Variants in ARID3B observed in about 807,000 individuals in gnomAD.
ARID3B encodes the protein AT-rich interactive domain-containing protein 3B.
In ARID3B, 10 loss-of-function variants were observed where a neutral mutation model predicts 51.9. The observed-to-expected ratio is 0.19, with a 90% confidence interval of 0.12 to 0.33. The LOEUF is 0.33. Ranked by LOEUF, ARID3B falls within the 10% of genes least tolerant of loss-of-function variation. The pLI is 1.00. For synonymous variants in ARID3B, 205 were observed against 279.5 expected (o/e 0.73, Z 2.66); for missense variants, 483 against 716.3 (o/e 0.67, Z 3.72).
intron 2 of ARID3B, among the ~76,000 whole-genome samples, chr15:74,569,982 A>G (rs1472333221): frequency 1.3e-5 from 2 of 152,212 alleles, no homozygotes; most frequent in African/African-American, 4.8e-5. Context: ...TTTTCTTTAA[A>G]TAGAGTAACT....
At chr15:74,563,482 T>A (rs1344439312) in intron 2 of ARID3B, among the ~76,000 whole-genome samples, 3 of 152,190 alleles carry the variant, frequency 2.0e-5, no homozygotes, top group African/African-American at 7.2e-5. Flanking sequence ...ATTTAAAATG[T>A]GTTGTTTGGG....
rs1241907970 is a variant in ARID3B at position 74,576,854 on chromosome 15, G to GGA, written c.697+3652_697+3653dup. ...GTGTATCAGACCCAACCATGGAGGT[G>GGA]GAGGAAAAAATGCTGTGACACATGT... On this transcript the variant is annotated intron_variant, in intron 4 of 8. Transcript: ENST00000346246. 2.0e-5 allele frequency among the ~76,000 whole-genome samples: 3 copies of GGA among 152,098 alleles called. No homozygotes were observed. In the East Asian group the frequency reaches 5.8e-4, roughly 29 times the overall value.
intron 2 of ARID3B, among the ~76,000 whole-genome samples, chr15:74,560,068 G>C (rs2061674374): frequency 9.1e-6 from 1 of 109,494 alleles, no homozygotes; most frequent in Admixed American, 1.1e-4. Context: ...TAGCCGGAGT[G>C]GTGGCACACA....
Position 74,591,649 on chromosome 15 carries a change from G to A in ARID3B, c.1255G>A (p.Ala419Thr), listed in dbSNP as rs772075921. ...AAGCCAGCAGGCTGGTACTCGGACC[G>A]CCGCACTGGAGCAGCTGCGGGAGCG... is the stretch of plus-strand genomic sequence containing the variant. Reference protein sequence around the residue: ...LASQQAGTRTAALEQLRERLE... With the variant: ...LASQQAGTRTTALEQLRERLE... The change falls in exon 7 of 9, where the codon GCC (alanine) becomes ACC (threonine). Residue 419 changes from alanine to threonine, a missense_variant. By Grantham distance (58) the Ala-to-Thr change is moderately conservative. Around this residue, in one of 3 missense-constraint regions of ARID3B, gnomAD observed 265 missense variants for 354.4 expected, o/e 0.75. Transcript: ENST00000346246. The surrounding 1 kb of genome is among the most constrained non-coding windows in gnomAD (Gnocchi z 5.8). 4.4e-5 allele frequency: 70 copies of A among 1,605,106 alleles called. No homozygotes were observed. Among genetic ancestry groups the A allele is most frequent in the Non-Finnish European group, 5.2e-5 (61 of 1,175,826 alleles).
chr15:74,581,673 T>TA (rs1414315309), intron 4 of ARID3B, among the ~76,000 whole-genome samples: 1 of 152,212 alleles, frequency 6.6e-6, no homozygotes, highest in Non-Finnish European at 1.5e-5. Flanking sequence ...TAATACTCTA[T>TA]AAATACCCAG....
intron 2 of ARID3B, among the ~76,000 whole-genome samples, chr15:74,562,363 A>G (rs918975428): frequency 2.6e-5 from 4 of 151,450 alleles, no homozygotes; most frequent in Non-Finnish European, 5.9e-5. Context: ...CTAGTCTCGA[A>G]CTCCTGTCCT....
At chr15:74,560,164 CA>C (rs1309534281) in intron 2 of ARID3B, among the ~76,000 whole-genome samples, 1 of 150,668 alleles carries the variant, frequency 6.6e-6, no homozygotes, top group Non-Finnish European at 1.5e-5. Flanking sequence ...ACGATTGCAC[CA>C]CTGCACTCCA....
At chr15:74,558,822 C>T (rs1414187388) in intron 2 of ARID3B, among the ~76,000 whole-genome samples, 1 of 152,032 alleles carries the variant, frequency 6.6e-6, no homozygotes, top group African/African-American at 2.4e-5. Flanking sequence ...TCCCATGTGC[C>T]TTGGATGGTG....
chr15:74,586,607 G>A (rs943348137), intron 4 of ARID3B, among the ~76,000 whole-genome samples: 25 of 152,336 alleles, frequency 1.6e-4, no homozygotes, highest in African/African-American at 6.0e-4. Flanking sequence ...CGTGGCTCAC[G>A]CCTGTCATCC....
At chr15:74,573,945 A>G in intron 4 of ARID3B, 1 of 152,246 alleles carries the variant, frequency 6.6e-6, no homozygotes, top group Non-Finnish European at 1.5e-5. Context: ...TTGGGGTTTC[A>G]CCATGTTGGC....
At chr15:74,590,233 C>T (rs779310141) in intron 5 of ARID3B, among the ~76,000 whole-genome samples, 1 of 152,226 alleles carries the variant, frequency 6.6e-6, no homozygotes, top group Non-Finnish European at 1.5e-5. Context: ...ATTTAAACCT[C>T]ACAGTCAACC....
At chr15:74,544,792 G>A (rs1418759446) in intron 2 of ARID3B, among the ~76,000 whole-genome samples, 3 of 150,024 alleles carry the variant, frequency 2.0e-5, no homozygotes, top group African/African-American at 7.4e-5. Context: ...CCAGGTTCAA[G>A]CGATTCTCCT....
chr15:74,596,572 T>G lies in ARID3B; in HGVS notation c.*798T>G. On this transcript the variant is annotated 3_prime_UTR_variant, in exon 9 of 9. Transcript: ENST00000346246. ...TTCCCAAAAACAGCCCACTCATCCT[T>G]TCCCCAGCCCTCTTCAGCCCTCCCC... 1 of 233,636 alleles carries G rather than the reference T, an allele frequency of 4.3e-6. No individual in the cohort carries two copies. The highest frequency in any genetic ancestry group is 8.5e-6 in the Non-Finnish European group (1 of 118,052). 14.5% of individuals were successfully genotyped at this position (233,636 alleles called of 1,614,324 possible). A position where few individuals can be genotyped will look rare whatever the true frequency, so the allele number is the denominator to read the frequency against.
At chr15:74,553,035 T>C (rs2061643816) in intron 2 of ARID3B, among the ~76,000 whole-genome samples, 1 of 152,204 alleles carries the variant, frequency 6.6e-6, no homozygotes, top group Admixed American at 6.5e-5. Flanking sequence ...GGGTGTACCA[T>C]TTTGCATTCC....
At position 74,595,637 on chromosome 15, in the gene ARID3B, G is replaced by T; in HGVS notation, c.1546G>T (p.Val516Phe). 1.2e-6 allele frequency: 2 copies of T among 1,613,038 alleles called. No individual in the cohort carries two copies. The highest frequency in any genetic ancestry group is 1.7e-6 in the Non-Finnish European group (2 of 1,179,416). ...AGVLFAQKPV[V>F]HLITGSAPQS... is the part of the protein sequence containing the mutation. ...TGTGCTGTTTGCCCAGAAGCCTGTGGTCCACCTCATCACGGGGTCTGCTCC... is the reference window on the plus strand; with the variant it reads ...TGTGCTGTTTGCCCAGAAGCCTGTGTTCCACCTCATCACGGGGTCTGCTCC... Residue 516 changes from valine to phenylalanine, a missense_variant, in exon 9 of 9, where the codon GTC becomes TTC. Physicochemically the swap from Val to Phe is conservative, Grantham distance 50. This residue lies in a region of ARID3B where 265 missense variants were observed against 354.4 expected (regional missense o/e 0.75). Transcript: ENST00000346246.
Position 74,573,185 on chromosome 15 carries a change from C to T in ARID3B, c.678C>T (p.Phe226=), listed in dbSNP as rs1485088974. The change falls in exon 4 of 9, where the codon TTC becomes TTT. Residue 226 remains phenylalanine (F), a synonymous_variant. Coordinates refer to ENST00000346246, the MANE Select transcript of ARID3B (RefSeq NM_006465.4). ...GGAAAGAGTTCCTGGATGACCTCTT[C>T]GTCTTTATGCAGAAGAGGGGTGAGT... ...PERKEFLDDL[F]VFMQKRGTPI... 1.9e-6 allele frequency: 3 copies of T among 1,614,084 alleles called. No homozygotes were observed. The highest frequency in any genetic ancestry group is 2.5e-6 in the Non-Finnish European group (3 of 1,180,008).
At chr15:74,543,755 T>C in intron 1 of ARID3B, 105 bp from the exon 2 acceptor site, 1 of 700,068 alleles carries the variant, frequency 1.4e-6, no homozygotes, top group Non-Finnish European at 2.3e-6. Context: ...ATGTTTAGCG[T>C]TCGGAACTCA....
At chr15:74,552,831 C>T (rs1206774278) in intron 2 of ARID3B, among the ~76,000 whole-genome samples, 1 of 152,180 alleles carries the variant, frequency 6.6e-6, no homozygotes, top group Non-Finnish European at 1.5e-5. Context: ...TATCCATTCA[C>T]CTCCTGAAGG....
In ARID3B at chr15:74,566,593, ACT is replaced by A. The variant is rs1301160599; in HGVS notation, c.553-6266_553-6265del. Among the ~76,000 whole-genome samples, 76 of 148,364 alleles carry A rather than the reference ACT, an allele frequency of 5.1e-4. 1 individual carries two copies. Among genetic ancestry groups the A allele is most frequent in the Admixed American group, 4.5e-3 (67 of 14,794 alleles). On this transcript the variant is annotated intron_variant, in intron 2 of 8. Transcript: ENST00000346246. Reference sequence around the variant, plus strand: ...ACTCCAGCCCGGGTGACAGAGTGAGACTCTGTCTCAAAAAAAAAAAAAAAGAG... The same window carrying A: ...ACTCCAGCCCGGGTGACAGAGTGAGACTGTCTCAAAAAAAAAAAAAAAGAG...
Sources: allele counts gnomAD v4.1 joint callset (sites outside exome capture counted in the v4.1 genomes callset), GRCh38; gene constraint gnomAD v4.1.1; regional missense constraint gnomAD v4.1.1; non-coding constraint Gnocchi (gnomAD v3.1); transcripts MANE v1.5; gene names NCBI Gene and HGNC (gene_info 2026-07-23, HGNC 2026-07-21).